Variants in FERMT2 observed in about 807,000 individuals in gnomAD.
The protein encoded by FERMT2 is FERM domain containing kindlin 2, also known as fermitin family homolog 2.
Under a neutral mutation model 82.7 loss-of-function variants are expected in FERMT2, and 15 were observed. That is an observed-to-expected ratio of 0.18 (90% CI 0.12 to 0.28). The LOEUF is 0.28. Among genes scored for constraint, FERMT2 ranks in the 10% least tolerant of loss-of-function variants. The pLI is 1.00. For synonymous variants in FERMT2, 274 were observed against 271.5 expected, an observed-to-expected ratio of 1.01 and a Z score of -0.09; for missense variants, 645 against 809.4, an observed-to-expected ratio of 0.80 and a Z score of 2.46.
At chr14:52,876,982 A>G (rs916619753) in intron 7 of FERMT2, among the ~76,000 whole-genome samples, 1 of 152,132 alleles carries the variant, frequency 6.6e-6, no homozygotes, top group Non-Finnish European at 1.5e-5. Context: ...TTCCATTTCC[A>G]TGAATTAAAA....
chr14:52,933,082 C>G (rs1054439031), intron 2 of FERMT2, among the ~76,000 whole-genome samples: 1 of 151,968 alleles, frequency 6.6e-6, no homozygotes. Context: ...CTTCTGCCCC[C>G]ACCCCATCCA....
At chr14:52,899,470 G>A (rs528034030) in intron 3 of FERMT2, among the ~76,000 whole-genome samples, 5 of 152,200 alleles carry the variant, frequency 3.3e-5, no homozygotes, top group African/African-American at 4.8e-5. Context: ...TTTTAGTAGA[G>A]ACAGGGTTTC....
At chr14:52,861,828 G>C (rs1481823690) in intron 12 of FERMT2, 3 of 152,092 alleles carry the variant, frequency 2.0e-5, no homozygotes, top group Admixed American at 2.0e-4. Flanking sequence ...AATACAACAG[G>C]TTATTTTGAT....
chr14:52,924,600 A>T (rs1007068219), intron 2 of FERMT2, among the ~76,000 whole-genome samples: 3 of 152,090 alleles, frequency 2.0e-5, no homozygotes, highest in Non-Finnish European at 4.4e-5. Context: ...CTTGCAAGAG[A>T]GTGTGCAAGA....
intron 3 of FERMT2, among the ~76,000 whole-genome samples, chr14:52,894,892 A>T (rs867272899): frequency 0.012 from 1,856 of 151,446 alleles, 34 homozygotes; most frequent in African/African-American, 0.042. Flanking sequence ...AAAATAAAAA[A>T]AAAAAAAAAA....
chr14:52,923,919 T>C (rs77964487), intron 2 of FERMT2, among the ~76,000 whole-genome samples: 1 of 152,184 alleles, frequency 6.6e-6, no homozygotes, highest in African/African-American at 2.4e-5. Flanking sequence ...GAAGACAGTG[T>C]TAGAAGATGG....
At position 52,858,263 on chromosome 14, in the gene FERMT2, T is replaced by TTTTC. The variant is rs1884690271; in HGVS notation, c.*110_*113dup. ...TAACTGGTCTGGTAAGGCAAAGAAG[T>TTTTC]TTTCATGATAAAATGATAAATTTCA... is the stretch of plus-strand genomic sequence containing the variant. On this transcript the variant is annotated 3_prime_UTR_variant, in exon 15 of 15. Transcript: ENST00000341590. 2.2e-6 allele frequency: 2 copies of TTTTC among 929,630 alleles called. No individual in the cohort carries two copies. The highest frequency in any genetic ancestry group is 4.7e-5 in the Admixed American group (2 of 42,768). The allele number at this position is 929,630 out of a possible 1,614,324, so 57.6% of individuals were successfully genotyped here.
chr14:52,929,176 C>A (rs897574772), intron 2 of FERMT2, among the ~76,000 whole-genome samples: 1 of 152,110 alleles, frequency 6.6e-6, no homozygotes, highest in Non-Finnish European at 1.5e-5. Context: ...AACCGTCAAC[C>A]CAGTTGCTCA....
At chr14:52,874,050 C>T (rs1885804673) in intron 9 of FERMT2, 127 bp downstream of exon 9, 1 of 498,218 alleles carries the variant, frequency 2.0e-6, no homozygotes, top group Non-Finnish European at 3.6e-6. Context: ...TGGTGTTCAC[C>T]TAACTGGTAA....
chr14:52,881,835 GA>G (rs1263575470), intron 4 of FERMT2: 4 of 1,251,144 alleles, frequency 3.2e-6, no homozygotes, highest in African/African-American at 1.5e-5. Flanking sequence ...GTGCCTATAG[GA>G]AAGGAAAGAA....
At chr14:52,894,407 T>C (rs1336194230) in intron 3 of FERMT2, among the ~76,000 whole-genome samples, 1 of 152,182 alleles carries the variant, frequency 6.6e-6, no homozygotes, top group Non-Finnish European at 1.5e-5. Context: ...TGCTTTTCTG[T>C]AGAAGTTGAC....
At chr14:52,874,793 T>A (rs1391268171) in intron 8 of FERMT2, among the ~76,000 whole-genome samples, 1 of 152,166 alleles carries the variant, frequency 6.6e-6, no homozygotes, top group Non-Finnish European at 1.5e-5. Context: ...GACTAATACA[T>A]TATTACTTTA....
At chr14:52,927,003 C>G (rs557023361) in intron 2 of FERMT2, among the ~76,000 whole-genome samples, 1 of 152,302 alleles carries the variant, frequency 6.6e-6, no homozygotes, top group South Asian at 2.1e-4. Context: ...GTGCACATAA[C>G]AGTATCTGAC....
chr14:52,858,711 C>CAAAG, intron 14 of FERMT2, 161 bp from the exon 15 acceptor site: 1 of 593,334 alleles, frequency 1.7e-6, no homozygotes, highest in South Asian at 2.7e-5. Context: ...CTTTAAGTCC[C>CAAAG]AAAGAAGAAG....
At chr14:52,897,878 A>T (rs898504466) in intron 3 of FERMT2, among the ~76,000 whole-genome samples, 3 of 147,246 alleles carry the variant, frequency 2.0e-5, no homozygotes, top group Non-Finnish European at 3.0e-5. Flanking sequence ...CGGGAGGCTG[A>T]GGCAGGGGAA....
At chr14:52,860,676 A>G in intron 12 of FERMT2, 1 of 576,052 alleles carries the variant, frequency 1.7e-6, no homozygotes, top group Non-Finnish European at 3.0e-6. Context: ...GTTTTCATAT[A>G]TCAACAAAAA....
rs1178713751 is a variant in FERMT2, at chr14:52,929,008, C to T, written c.158-9652G>A. On this transcript the variant is annotated intron_variant, in intron 2 of 14. Transcript: ENST00000341590. Reference sequence around the variant, plus strand: ...AGCTTTAAAAGACACTTATTTTCGTCACTGGTGTCAGCAGCCCAACCTTCT... The same window carrying T: ...AGCTTTAAAAGACACTTATTTTCGTTACTGGTGTCAGCAGCCCAACCTTCT... 2.0e-5 allele frequency among the ~76,000 whole-genome samples: 3 copies of T among 152,134 alleles called. No homozygotes were observed. The East Asian group carries it at 5.8e-4, about 29-fold the overall frequency.
intron 2 of FERMT2, among the ~76,000 whole-genome samples, chr14:52,936,374 G>C (rs1889836335): frequency 1.3e-5 from 2 of 152,108 alleles, no homozygotes; most frequent in African/African-American, 4.8e-5. Flanking sequence ...CACCTTATCT[G>C]CAAGTTATTT....
chr14:52,948,444 C>T (rs1890461093), intron 2 of FERMT2: 1 of 391,036 alleles, frequency 2.6e-6, no homozygotes, highest in African/African-American at 2.1e-5. Flanking sequence ...CTTAGCTCTA[C>T]TTTTACCAAA....
Sources: allele counts gnomAD v4.1 joint callset (sites outside exome capture counted in the v4.1 genomes callset), GRCh38; gene constraint gnomAD v4.1.1; transcripts MANE v1.5; gene names NCBI Gene and HGNC (gene_info 2026-07-23, HGNC 2026-07-21).